CD226: variants seen among roughly 807,000 people sequenced by gnomAD.
CD226 encodes CD226 antigen.
CD226 carries 24 observed loss-of-function variants against 34.9 expected under a neutral mutation model. That is an observed-to-expected ratio of 0.69 (90% CI 0.50 to 0.97). CD226 has a LOEUF of 0.97. CD226 is among the 50% of genes least tolerant of loss of function. The probability of loss-of-function intolerance (pLI) is 0.00; values close to 1 mark genes in which losing one functional copy is unlikely to be tolerated. For synonymous variants in CD226, 148 were observed against 147.4 expected, an observed-to-expected ratio of 1.00 and a Z score of -0.03; for missense variants, 397 against 412.7, an observed-to-expected ratio of 0.96 and a Z score of 0.33.
At chr18:69,895,311 T>C (rs1985204050) in intron 3 of CD226, among the ~76,000 whole-genome samples, 2 of 152,174 alleles carry the variant, frequency 1.3e-5, no homozygotes, top group South Asian at 4.1e-4. Flanking sequence ...CACTGTCTTG[T>C]ATTGCTGGGG....
rs1982670016 is a variant in CD226, at chr18:69,858,321, G to A, written c.*5993C>T. 6.6e-6 allele frequency: 1 copy of A among 152,074 alleles called. No individual in the cohort carries two copies. Among genetic ancestry groups the A allele is most frequent in the African/African-American group, 2.4e-5 (1 of 41,398 alleles). 9.4% of individuals were successfully genotyped at this position (152,074 alleles called of 1,614,324 possible). ...AGAAAACTATCATCTGGTCGAGGAG[G>A]GACATTTGTCAGTTGAAGTTCTTCA... is the stretch of plus-strand genomic sequence containing the variant. On this transcript the variant is annotated 3_prime_UTR_variant, in exon 6 of 6. Coordinates refer to ENST00000582621, the MANE Select transcript of CD226 (RefSeq NM_001303618.2).
At chr18:69,867,298 G>T in intron 5 of CD226, 59 bp downstream of exon 5, 1 of 1,111,514 alleles carries the variant, frequency 9.0e-7, no homozygotes, top group Non-Finnish European at 1.4e-6. Flanking sequence ...CTGCAAAAGA[G>T]ACTGACTTTG....
intron 3 of CD226, among the ~76,000 whole-genome samples, chr18:69,888,420 T>TC (rs1225740922): frequency 2.1e-4 from 31 of 145,774 alleles, no homozygotes; most frequent in African/African-American, 7.3e-4. Flanking sequence ...CTTTCTCTTT[T>TC]TTTTTTTTTT....
Position 69,895,899 on chromosome 18 carries a change from T to C in CD226, c.529A>G (p.Thr177Ala). 1 of 1,614,156 alleles carries C rather than the reference T, an allele frequency of 6.2e-7. No individual in the cohort carries two copies. The highest frequency in any genetic ancestry group is 8.5e-7 in the Non-Finnish European group (1 of 1,180,026). The part of the protein sequence containing the change: ...KIQPRQIDLL[T>A]YCNLVHGRNF... ...CTGCCATGGACCAAGTTGCAGTAAGTTAAGAGGTCGATCTGACGGGGCTGG... is the reference window on the plus strand; with the variant it reads ...CTGCCATGGACCAAGTTGCAGTAAGCTAAGAGGTCGATCTGACGGGGCTGG... The change falls in exon 3 of 6, where the codon ACT becomes GCT. Residue 177 changes from threonine to alanine, a missense_variant. Transcript: ENST00000582621.
chr18:69,936,630 G>A (rs150592191), intron 2 of CD226, among the ~76,000 whole-genome samples: 41 of 152,016 alleles, frequency 2.7e-4, no homozygotes, highest in African/African-American at 9.2e-4. Flanking sequence ...TCTTGTGTGT[G>A]TGCATGCATA....
In CD226 at chr18:69,895,930, T is replaced by C. The variant is rs1387689107; in HGVS notation, c.498A>G (p.Glu166=). The C allele has an allele frequency of 6.2e-7, 1 of 1,614,040 alleles. No individual in the cohort carries two copies. Among genetic ancestry groups the C allele is most frequent in the East Asian group, 2.2e-5 (1 of 44,898 alleles). ...MTWPVQAVRW[E]KIQPRQIDLL... ...GGTCGATCTGACGGGGCTGGATCTT[T>C]TCCCACCTCACTGCCTGCACAGGCC... The change falls in exon 3 of 6, where the codon GAA becomes GAG. Residue 166 remains glutamate, a synonymous_variant. Coordinates refer to ENST00000582621, the MANE Select transcript of CD226 (RefSeq NM_001303618.2).
At chr18:69,934,430 G>T (rs993924696) in intron 2 of CD226, among the ~76,000 whole-genome samples, 4 of 152,190 alleles carry the variant, frequency 2.6e-5, no homozygotes, top group African/African-American at 9.7e-5. Context: ...CTGCTAAAAT[G>T]AGAATGTTAA....
In CD226 at chr18:69,860,124, T is replaced by C. The variant is rs550855480; in HGVS notation, c.*4190A>G. 6.6e-6 allele frequency: 1 copy of C among 152,292 alleles called. No individual in the cohort carries two copies. The highest frequency in any genetic ancestry group is 2.4e-5 in the African/African-American group (1 of 41,570). The allele number at this position is 152,292 out of a possible 1,614,324, so 9.4% of individuals were successfully genotyped here. A position where few individuals can be genotyped will look rare whatever the true frequency, so the allele number is the denominator to read the frequency against. ...AAAGAACATTGCATTGAGATAAAAATTACAATGTATCATTGATTTGAATTT... is the reference window on the plus strand; with the variant it reads ...AAAGAACATTGCATTGAGATAAAAACTACAATGTATCATTGATTTGAATTT... On this transcript the variant is annotated 3_prime_UTR_variant, in exon 6 of 6. Transcript: ENST00000582621.
intron 1 of CD226, among the ~76,000 whole-genome samples, chr18:69,955,862 C>CAAA (rs10659184): frequency 0.69 from 57,285 of 83,262 alleles, 23,191 homozygotes; most frequent in East Asian, 0.89. Context: ...GACTCCATCT[C>CAAA]AAAAAAAAAA....
chr18:69,865,776 C>A (rs1410777196), intron 5 of CD226, among the ~76,000 whole-genome samples: 1 of 152,184 alleles, frequency 6.6e-6, no homozygotes, highest in Non-Finnish European at 1.5e-5. Flanking sequence ...ATCTGATGAA[C>A]ACATGTTGGA....
chr18:69,957,028 C>A (rs560923348), upstream of CD226: 37 of 152,308 alleles, frequency 2.4e-4, 1 homozygote, highest in African/African-American at 8.2e-4. Flanking sequence ...TTTCATGAAG[C>A]GGGGTTTTTT....
rs570764126 is a variant in CD226, at chr18:69,888,215, G to A, written c.727+7486C>T. On this transcript the variant is annotated intron_variant, in intron 3 of 5. Coordinates refer to ENST00000582621, the MANE Select transcript of CD226 (RefSeq NM_001303618.2). ...TTTAAGTAATTTTCTACTTGCTTTT[G>A]GAGAAATCTTTGATCAATCATTTAT... Among the ~76,000 whole-genome samples the A allele has an allele frequency of 5.3e-5, 8 of 152,134 alleles. No individual in the cohort carries two copies. In the East Asian group the frequency reaches 1.5e-3, roughly 29 times the overall value.
chr18:69,894,923 A>G (rs969588335), intron 3 of CD226, among the ~76,000 whole-genome samples: 1 of 152,032 alleles, frequency 6.6e-6, no homozygotes, highest in Admixed American at 6.5e-5. Context: ...GAAAGGCTTC[A>G]TTGTGACAAA....
chr18:69,859,104 C>T lies in CD226; in HGVS notation c.*5210G>A, dbSNP rs1982700593. On this transcript the variant is annotated 3_prime_UTR_variant, in exon 6 of 6. Transcript: ENST00000582621. The stretch of plus-strand genomic sequence containing the variant: ...TCGTTAAACATTTACAACACGGAAA[C>T]ACATGTCCTTTTGTTCTGGAAAATG... 1 of 152,072 alleles carries T rather than the reference C, an allele frequency of 6.6e-6. No homozygotes were observed. The highest frequency in any genetic ancestry group is 1.5e-5 in the Non-Finnish European group (1 of 68,024). 9.4% of individuals were successfully genotyped at this position (152,072 alleles called of 1,614,324 possible). A position where few individuals can be genotyped will look rare whatever the true frequency, so the allele number is the denominator to read the frequency against.
chr18:69,861,811 T>C lies in CD226; in HGVS notation c.*2503A>G, dbSNP rs1386314376. 1 of 151,822 alleles carries C rather than the reference T, an allele frequency of 6.6e-6. No homozygotes were observed. Among genetic ancestry groups the C allele is most frequent in the Non-Finnish European group, 1.5e-5 (1 of 67,940 alleles). The allele number at this position is 151,822 out of a possible 1,614,324, so 9.4% of individuals were successfully genotyped here. ...GTTAAAAAGATGACAATGAAAGTGCTTTGGTAAGTAAAGATGTCCAGAGAA... is the reference window on the plus strand; with the variant it reads ...GTTAAAAAGATGACAATGAAAGTGCCTTGGTAAGTAAAGATGTCCAGAGAA... On this transcript the variant is annotated 3_prime_UTR_variant, in exon 6 of 6. Transcript: ENST00000582621.
At chr18:69,938,273 A>G (rs1031376394) in intron 2 of CD226, among the ~76,000 whole-genome samples, 1 of 151,906 alleles carries the variant, frequency 6.6e-6, no homozygotes, top group Non-Finnish European at 1.5e-5. Context: ...TCAATAATTC[A>G]CCTGTTCACT....
In CD226 at chr18:69,895,067, G is replaced by T. The variant is rs187924688; in HGVS notation, c.727+634C>A. 5.9e-3 allele frequency among the ~76,000 whole-genome samples: 893 copies of T among 152,256 alleles called. 4 individuals are homozygous for T. Among genetic ancestry groups the T allele is most frequent in the Non-Finnish European group, 9.3e-3 (632 of 68,018 alleles). On this transcript the variant is annotated intron_variant, in intron 3 of 5. Coordinates refer to ENST00000582621, the MANE Select transcript of CD226 (RefSeq NM_001303618.2). ...ATGGTCACCAAAGATCTAAGTCAGT[G>T]GTTCTTATAGTATGTTTGGGGGTCC...
At chr18:69,957,711 T>C (rs2055908767), upstream of CD226, among the ~76,000 whole-genome samples, 2 of 152,102 alleles carry the variant, frequency 1.3e-5, no homozygotes, top group African/African-American at 4.8e-5. Flanking sequence ...CCACCGCATA[T>C]ACGAAAGCAA....
chr18:69,932,019 C>A (rs1950093489), intron 2 of CD226, among the ~76,000 whole-genome samples: 1 of 152,200 alleles, frequency 6.6e-6, no homozygotes, highest in Non-Finnish European at 1.5e-5. Flanking sequence ...GTCCTAATCT[C>A]CTCTTCTTAT....
Sources: gnomAD v4.1 joint callset for allele counts (sites outside exome capture counted in the v4.1 genomes callset) on GRCh38, gnomAD v4.1.1 for gene constraint, MANE v1.5 for transcripts, NCBI Gene and HGNC (gene_info 2026-07-23, HGNC 2026-07-21) for gene names.